Variants in GRXCR2 observed in about 807,000 individuals in gnomAD.
GRXCR2 encodes the protein glutaredoxin domain-containing cysteine-rich protein 2.
Under a neutral mutation model 24.8 loss-of-function variants are expected in GRXCR2, and 23 were observed. That is an observed-to-expected ratio of 0.93 (90% CI 0.67 to 1.32). The LOEUF is 1.32. Among genes scored for constraint, GRXCR2 ranks in the 40% most tolerant of loss-of-function variants. The pLI is 0.00. For synonymous variants in GRXCR2, 130 were observed against 116.1 expected (o/e 1.12, Z -0.77); for missense variants, 315 against 303.4 (o/e 1.04, Z -0.28).
chr5:145,889,682 C>T lies in GRXCR2; in HGVS notation c.-69-22954G>A, dbSNP rs546566120. On this transcript the variant is annotated intron_variant, in intron 2 of 3. Transcript: ENST00000639411. ...ATGAAAAATCTGAATGTGGCAATAC[C>T]ACCAAAGCATTGCATTAGCTTTCTA... Among the ~76,000 whole-genome samples the T allele has an allele frequency of 1.2e-4, 19 of 152,250 alleles. No homozygotes were observed. In the South Asian group the frequency reaches 3.9e-3, roughly 32 times the overall value.
chr5:145,864,760 A>G (rs761497957), intron 2 of GRXCR2, among the ~76,000 whole-genome samples: 53 of 152,078 alleles, frequency 3.5e-4, no homozygotes, highest in Admixed American at 6.5e-4. Flanking sequence ...TTGTTTATGT[A>G]TTACTCAGTC....
rs1167320989 is a variant in GRXCR2, at chr5:145,916,247, T to C, written c.-70+19454A>G. On this transcript the variant is annotated intron_variant, in intron 2 of 3. Coordinates refer to the GRXCR2 transcript ENST00000639411. The stretch of plus-strand genomic sequence containing the variant: ...TGTCATCGTGGATGAGCAATAAAGA[T>C]GATAAGAATCCTCAAGACAAGGCTG... 2.0e-5 allele frequency among the ~76,000 whole-genome samples: 3 copies of C among 152,106 alleles called. No individual in the cohort carries two copies. The South Asian group carries it at 6.2e-4, about 32-fold the overall frequency.
intron 1 of GRXCR2, among the ~76,000 whole-genome samples, chr5:145,869,812 C>T (rs1366305123): frequency 6.6e-6 from 1 of 152,198 alleles, no homozygotes; most frequent in Non-Finnish European, 1.5e-5. Flanking sequence ...CCTCCTCAGT[C>T]TCCCCAAGTG....
chr5:145,916,893 T>C (rs1279534160), intron 2 of GRXCR2, among the ~76,000 whole-genome samples: 3 of 152,134 alleles, frequency 2.0e-5, no homozygotes, highest in Non-Finnish European at 4.4e-5. Context: ...TTTTTTGTCA[T>C]TGTCATTGTT....
intron 2 of GRXCR2, 133 bp downstream of exon 2, chr5:145,866,368 C>T (rs1756435055): frequency 1.6e-6 from 1 of 618,288 alleles, no homozygotes; most frequent in Non-Finnish European, 2.9e-6. Flanking sequence ...TAAAATTCCT[C>T]ATATCTTCAA....
chr5:145,907,541 G>GTAA (rs917398607), intron 2 of GRXCR2, among the ~76,000 whole-genome samples: 2 of 150,658 alleles, frequency 1.3e-5, no homozygotes, highest in African/African-American at 4.9e-5. Context: ...AAAAAAAAAA[G>GTAA]TAATAATAAT....
chr5:145,859,628 A>G lies in GRXCR2; in HGVS notation c.*105T>C. The G allele has an allele frequency of 2.0e-6, 2 of 1,021,832 alleles. No homozygotes were observed. The highest frequency in any genetic ancestry group is 2.9e-5 in the South Asian group (2 of 68,652). 63.3% of individuals were successfully genotyped at this position (1,021,832 alleles called of 1,614,324 possible). A position where few individuals can be genotyped will look rare whatever the true frequency, so the allele number is the denominator to read the frequency against. ...GCCAGCAGTGGGAGTGACTGCAGCCACTGTGGCCTCCTTGTTGGGAGAGGC... is the reference window on the plus strand; with the variant it reads ...GCCAGCAGTGGGAGTGACTGCAGCCGCTGTGGCCTCCTTGTTGGGAGAGGC... On this transcript the variant is annotated 3_prime_UTR_variant, in exon 3 of 3. Transcript: ENST00000377976.
intron 2 of GRXCR2, among the ~76,000 whole-genome samples, chr5:145,905,730 T>G (rs1757082484): frequency 6.6e-6 from 1 of 152,120 alleles, no homozygotes; most frequent in Non-Finnish European, 1.5e-5. Context: ...ATAAAGAGTG[T>G]GTTGGCTTTT....
chr5:145,910,128 C>T (rs998716472), intron 2 of GRXCR2, among the ~76,000 whole-genome samples: 3 of 152,128 alleles, frequency 2.0e-5, no homozygotes, highest in Non-Finnish European at 2.9e-5. Flanking sequence ...GTCTCTGTCA[C>T]GTTTGTTTTA....
intron 2 of GRXCR2, among the ~76,000 whole-genome samples, chr5:145,861,670 T>A (rs984016139): frequency 1.3e-5 from 2 of 152,222 alleles, no homozygotes; most frequent in African/African-American, 2.4e-5. Flanking sequence ...CCTGGCATGC[T>A]ACTTATGTCA....
intron 2 of GRXCR2, among the ~76,000 whole-genome samples, chr5:145,890,528 G>C (rs943306878): frequency 3.3e-5 from 5 of 152,150 alleles, no homozygotes; most frequent in African/African-American, 1.2e-4. Flanking sequence ...AATAATTCAA[G>C]AGAACTGAAG....
chr5:145,883,765 C>A (rs753699338), intron 2 of GRXCR2, among the ~76,000 whole-genome samples: 1 of 152,072 alleles, frequency 6.6e-6, no homozygotes, highest in Non-Finnish European at 1.5e-5. Flanking sequence ...TGCCTGTAGT[C>A]CCAGCTATTC....
intron 1 of GRXCR2, among the ~76,000 whole-genome samples, chr5:145,868,230 T>C (rs1457273567): frequency 6.6e-6 from 1 of 152,178 alleles, no homozygotes; most frequent in Non-Finnish European, 1.5e-5. Context: ...CTGTAGTGCA[T>C]GCACAATCAT....
intron 2 of GRXCR2, among the ~76,000 whole-genome samples, chr5:145,917,695 G>A (rs1213728221): frequency 6.6e-6 from 1 of 152,112 alleles, no homozygotes; most frequent in Non-Finnish European, 1.5e-5. Context: ...AGGTGCCATG[G>A]ACTAGCCTCA....
intron 2 of GRXCR2, among the ~76,000 whole-genome samples, chr5:145,888,027 G>C (rs1756800999): frequency 6.6e-6 from 1 of 152,162 alleles, no homozygotes; most frequent in Non-Finnish European, 1.5e-5. Flanking sequence ...TATATTTGCA[G>C]GTAATTGTTT....
At chr5:145,875,633 T>C (rs1756601208), upstream of GRXCR2, among the ~76,000 whole-genome samples, 1 of 152,060 alleles carries the variant, frequency 6.6e-6, no homozygotes, top group African/African-American at 2.4e-5. Context: ...GGTGTCACAG[T>C]TGTAAATTCC....
intron 2 of GRXCR2, among the ~76,000 whole-genome samples, chr5:145,891,973 A>C (rs934990281): frequency 6.6e-6 from 1 of 152,106 alleles, no homozygotes; most frequent in African/African-American, 2.4e-5. Flanking sequence ...TTTGCTGTTC[A>C]CCAATATCCA....
chr5:145,916,376 C>A (rs1757239258), intron 2 of GRXCR2, among the ~76,000 whole-genome samples: 1 of 152,254 alleles, frequency 6.6e-6, no homozygotes, highest in Admixed American at 6.5e-5. Context: ...TTTTTCCAGG[C>A]TGGGGAAGTG....
intron 2 of GRXCR2, among the ~76,000 whole-genome samples, chr5:145,892,841 G>A (rs892535634): frequency 1.8e-4 from 28 of 152,180 alleles, no homozygotes; most frequent in African/African-American, 4.6e-4. Context: ...CAGATTCACC[G>A]AAGTTAAAAT....
Sources: allele counts gnomAD v4.1 joint callset (sites outside exome capture counted in the v4.1 genomes callset), GRCh38; gene constraint gnomAD v4.1.1; transcripts MANE v1.5; gene names NCBI Gene and HGNC (gene_info 2026-07-23, HGNC 2026-07-21).